The following ZBBX variants were observed in gnomAD, a reference collection of about 807,000 sequenced individuals.
ZBBX encodes the protein zinc finger B-box domain-containing protein 1.
Under a neutral mutation model 108.5 loss-of-function variants are expected in ZBBX, and 101 were observed. The ratio of observed to expected loss-of-function variants is 0.93; its 90% CI spans 0.79 to 1.10. The LOEUF (loss-of-function observed/expected upper bound fraction) is 1.10, where lower values mean the gene tolerates loss of function less well. Among genes scored for constraint, ZBBX ranks in the 50% least tolerant of loss-of-function variants. ZBBX has a pLI of 0.00. For synonymous variants in ZBBX, 356 were observed against 323.4 expected (o/e 1.10, Z -1.08); for missense variants, 1,009 against 941.4 (o/e 1.07, Z -0.94).
chr3:167,353,604 A>C (rs1370691145), intron 8 of ZBBX, among the ~76,000 whole-genome samples: 1 of 152,052 alleles, frequency 6.6e-6, no homozygotes, highest in Non-Finnish European at 1.5e-5. Context: ...ATCACTACAC[A>C]ATATATCCAG....
intron 20 of ZBBX, among the ~76,000 whole-genome samples, chr3:167,266,981 C>T (rs1725628684): frequency 6.6e-6 from 1 of 152,128 alleles, no homozygotes; most frequent in East Asian, 1.9e-4. Context: ...AAGGAACAAG[C>T]CGGCAGCTTG....
intron 18 of ZBBX, among the ~76,000 whole-genome samples, chr3:167,289,793 C>T (rs749609977): frequency 4.6e-5 from 7 of 152,138 alleles, no homozygotes; most frequent in Non-Finnish European, 8.8e-5. Context: ...TCTGGCTCAT[C>T]GGTTCCCACC....
the ZBBX span, among the ~76,000 whole-genome samples, chr3:167,217,048 G>T: frequency 6.6e-6 from 1 of 152,026 alleles, no homozygotes; most frequent in Non-Finnish European, 1.5e-5. Flanking sequence ...ACACAATCCT[G>T]GACCTAAGAA....
chr3:167,261,235 G>A (rs937624980), intron 20 of ZBBX, among the ~76,000 whole-genome samples: 6 of 152,118 alleles, frequency 3.9e-5, no homozygotes, highest in Non-Finnish European at 5.9e-5. Context: ...TGGAGGTGGC[G>A]GAGGGGTGCA....
At chr3:167,185,789 A>G in the ZBBX span, among the ~76,000 whole-genome samples, 17 of 152,102 alleles carry the variant, frequency 1.1e-4, no homozygotes, top group Non-Finnish European at 2.9e-5. Context: ...ACCTACAAGT[A>G]AGTATTTTTA....
intron 9 of ZBBX, among the ~76,000 whole-genome samples, chr3:167,343,765 T>C (rs1188271991): frequency 2.6e-5 from 4 of 151,948 alleles, no homozygotes; most frequent in African/African-American, 9.7e-5. Context: ...TGTACATGGC[T>C]GATTGGAATG....
chr3:167,299,046 T>G (rs1482322531), intron 17 of ZBBX, among the ~76,000 whole-genome samples: 1 of 152,074 alleles, frequency 6.6e-6, no homozygotes, highest in African/African-American at 2.4e-5. Flanking sequence ...AAACCTAGAC[T>G]TATCCTGCCA....
intron 1 of ZBBX, chr3:167,401,358 C>T (rs1200263095): frequency 1.3e-5 from 2 of 152,094 alleles, no homozygotes; most frequent in Non-Finnish European, 2.9e-5. Flanking sequence ...AGACCCAGAC[C>T]TCAAGAAAGG....
intron 20 of ZBBX, chr3:167,252,219 T>G: frequency 7.8e-7 from 1 of 1,285,300 alleles, no homozygotes; most frequent in Non-Finnish European, 1.0e-6. Context: ...ATCCTAGAAA[T>G]AGCAGAAAAC....
intron 9 of ZBBX, among the ~76,000 whole-genome samples, chr3:167,334,932 C>T (rs1167197301): frequency 2.0e-5 from 3 of 152,038 alleles, no homozygotes; most frequent in Non-Finnish European, 4.4e-5. Context: ...TTGTTCCTTG[C>T]TCATGAGGCT....
At chr3:167,239,176 C>T (rs1720356535), downstream of ZBBX, among the ~76,000 whole-genome samples, 2 of 152,122 alleles carry the variant, frequency 1.3e-5, no homozygotes, top group African/African-American at 4.8e-5. Flanking sequence ...GAAAGAATTC[C>T]CTCTACCTTG....
chr3:167,391,723 A>C (rs138299666), intron 1 of ZBBX, among the ~76,000 whole-genome samples: 2 of 151,754 alleles, frequency 1.3e-5, no homozygotes, highest in African/African-American at 4.8e-5. Context: ...CTTTTCATCA[A>C]ATTTATTCAG....
chr3:167,293,034 A>T (rs1245138456), intron 18 of ZBBX, among the ~76,000 whole-genome samples: 2 of 152,078 alleles, frequency 1.3e-5, no homozygotes, highest in Admixed American at 1.3e-4. Flanking sequence ...CCAAAAACAA[A>T]TTCTGAAATT....
At chr3:167,364,735 A>G (rs961269020) in intron 6 of ZBBX, among the ~76,000 whole-genome samples, 2 of 152,016 alleles carry the variant, frequency 1.3e-5, no homozygotes, top group African/African-American at 4.8e-5. Context: ...AATATAGTTT[A>G]CACACTGGCT....
chr3:167,306,652 T>C (rs982365589), intron 16 of ZBBX, among the ~76,000 whole-genome samples: 1 of 152,198 alleles, frequency 6.6e-6, no homozygotes, highest in African/African-American at 2.4e-5. Flanking sequence ...CATTGGTCTT[T>C]TGAACTTCCC....
At chr3:167,358,016 G>C (rs944457782) in intron 8 of ZBBX, among the ~76,000 whole-genome samples, 19 of 152,038 alleles carry the variant, frequency 1.2e-4, no homozygotes, top group Non-Finnish European at 2.6e-4. Flanking sequence ...TCACACTCTG[G>C]GGACTGTTGT....
the ZBBX span, among the ~76,000 whole-genome samples, chr3:167,215,587 C>T: frequency 6.6e-5 from 10 of 152,106 alleles, no homozygotes; most frequent in South Asian, 2.1e-4. Flanking sequence ...TGAAAGTATT[C>T]CAATAAATTG....
At chr3:167,340,575 T>C (rs1297637067) in intron 9 of ZBBX, among the ~76,000 whole-genome samples, 3 of 152,012 alleles carry the variant, frequency 2.0e-5, no homozygotes, top group Non-Finnish European at 4.4e-5. Context: ...TTATAGATAG[T>C]CTTAGACCAA....
chr3:167,289,377 G>A (rs959310229), intron 18 of ZBBX, among the ~76,000 whole-genome samples: 1 of 152,184 alleles, frequency 6.6e-6, no homozygotes, highest in Admixed American at 6.5e-5. Flanking sequence ...TAGAAGGCAG[G>A]TGATTTCTGC....
Sources: gnomAD v4.1 joint callset for allele counts (sites outside exome capture counted in the v4.1 genomes callset) on GRCh38, gnomAD v4.1.1 for gene constraint, MANE v1.5 for transcripts, NCBI Gene and HGNC (gene_info 2026-07-23, HGNC 2026-07-21) for gene names.